Variants in ZFYVE28 observed in about 807,000 individuals in gnomAD.
The protein encoded by ZFYVE28 is lateral signaling target protein 2 homolog.
Under a neutral mutation model 82.1 loss-of-function variants are expected in ZFYVE28, and 40 were observed. The ratio of observed to expected loss-of-function variants is 0.49; its 90% CI spans 0.38 to 0.63. ZFYVE28 has a LOEUF of 0.63. Ranked by LOEUF, ZFYVE28 falls within the 30% of genes least tolerant of loss-of-function variation. The probability of loss-of-function intolerance (pLI) is 0.00; values close to 1 mark genes in which losing one functional copy is unlikely to be tolerated. For synonymous variants in ZFYVE28, 612 were observed against 546.1 expected, an observed-to-expected ratio of 1.12 and a Z score of -1.68; for missense variants, 1,321 against 1,242.1, an observed-to-expected ratio of 1.06 and a Z score of -0.96.
chr4:2,274,328 C>T, intron 8 of ZFYVE28, 112 bp from the exon 9 acceptor site: 1 of 1,342,980 alleles, frequency 7.4e-7, no homozygotes. Context: ...GCTCACCCCA[C>T]AGGCGTGTAT....
intron 7 of ZFYVE28, among the ~76,000 whole-genome samples, chr4:2,315,899 A>G (rs1235895657): frequency 6.6e-6 from 1 of 151,704 alleles, no homozygotes; most frequent in African/African-American, 2.4e-5. Context: ...CTGGGATTCC[A>G]ATTATGTTTT....
Position 2,362,957 on chromosome 4 carries a change from G to C in ZFYVE28, c.40-8884C>G, listed in dbSNP as rs953801112. On this transcript the variant is annotated intron_variant, in intron 1 of 12. Coordinates refer to ENST00000290974, the MANE Select transcript of ZFYVE28 (RefSeq NM_020972.3). This position sits in a 1 kb window ranked among gnomAD's most constrained non-coding sequence, Gnocchi z 5.1. ...GGTACTGGCCCTCCCTGTGGCCTTC[G>C]GGCCCACACGTGGCACCAAGCCCTG... is the stretch of plus-strand genomic sequence containing the variant. Among the ~76,000 whole-genome samples the C allele has an allele frequency of 1.3e-5, 2 of 151,976 alleles. No homozygotes were observed. Among genetic ancestry groups the C allele is most frequent in the African/African-American group, 2.4e-5 (1 of 41,392 alleles).
intron 1 of ZFYVE28, among the ~76,000 whole-genome samples, chr4:2,402,003 G>A (rs1322042107): frequency 6.6e-6 from 1 of 152,218 alleles, no homozygotes; most frequent in African/African-American, 2.4e-5. Flanking sequence ...CGACCCTGAG[G>A]CTTTGTCATG....
intron 8 of ZFYVE28, among the ~76,000 whole-genome samples, chr4:2,279,629 A>C (rs1577875316): frequency 6.6e-6 from 1 of 151,856 alleles, no homozygotes; most frequent in Admixed American, 6.6e-5. Context: ...AATACAAAAA[A>C]AATTAGCCAG....
chr4:2,368,219 A>AAAAAAAC (rs1727110262), intron 1 of ZFYVE28, among the ~76,000 whole-genome samples: 5 of 150,114 alleles, frequency 3.3e-5, no homozygotes, highest in Middle Eastern at 3.2e-3. Flanking sequence ...TACAAAAAAA[A>AAAAAAAC]AAAAAAAAAA....
At chr4:2,390,986 G>A (rs1480816313) in intron 1 of ZFYVE28, among the ~76,000 whole-genome samples, 1 of 152,238 alleles carries the variant, frequency 6.6e-6, no homozygotes, top group Non-Finnish European at 1.5e-5. Flanking sequence ...ACAGCTGAAA[G>A]TCATTTCATA....
intron 2 of ZFYVE28, among the ~76,000 whole-genome samples, chr4:2,343,900 C>T (rs573402648): frequency 6.6e-6 from 1 of 152,326 alleles, no homozygotes; most frequent in African/African-American, 2.4e-5. Flanking sequence ...GTGCCTAGAA[C>T]AGTGCCTCAC....
chr4:2,352,703 C>T (rs576901700), intron 2 of ZFYVE28, among the ~76,000 whole-genome samples: 59 of 152,230 alleles, frequency 3.9e-4, no homozygotes, highest in African/African-American at 1.2e-3. Flanking sequence ...CCTGTGGCAG[C>T]GGGAAGCCTG....
chr4:2,295,401 C>T (rs1250095318), intron 8 of ZFYVE28, among the ~76,000 whole-genome samples: 3 of 151,922 alleles, frequency 2.0e-5, no homozygotes, highest in African/African-American at 7.3e-5. Flanking sequence ...AAACTCCTGA[C>T]CTCAAGTGAT....
At chr4:2,338,247 G>T (rs984189832) in intron 4 of ZFYVE28, among the ~76,000 whole-genome samples, 3 of 152,246 alleles carry the variant, frequency 2.0e-5, no homozygotes, top group Non-Finnish European at 2.9e-5. Flanking sequence ...AGACGTGAAG[G>T]CTTGTCCAAC....
At position 2,339,915 on chromosome 4, in the gene ZFYVE28, G is replaced by A. The variant is rs1315786205; in HGVS notation, c.319-260C>T. On this transcript the variant is annotated intron_variant, in intron 3 of 12. Coordinates refer to ENST00000290974, the MANE Select transcript of ZFYVE28 (RefSeq NM_020972.3). This position sits in a 1 kb window ranked among gnomAD's most constrained non-coding sequence, Gnocchi z 5.0. ...GGGAGGGCAGGGCATGGCAGGGCAG[G>A]TAAGGGCAGGGGAGGGGAGGGCAGG... is the stretch of plus-strand genomic sequence containing the variant. Among the ~76,000 whole-genome samples, 2 of 141,098 alleles carry A rather than the reference G, an allele frequency of 1.4e-5. No homozygotes were observed. Among genetic ancestry groups the A allele is most frequent in the Non-Finnish European group, 1.6e-5 (1 of 63,912 alleles). The allele number at this position is 141,098 out of a possible 152,430, so 92.6% of individuals were successfully genotyped here. A position where few individuals can be genotyped will look rare whatever the true frequency, so the allele number is the denominator to read the frequency against.
At chr4:2,352,075 G>C (rs529693847) in intron 2 of ZFYVE28, among the ~76,000 whole-genome samples, 29 of 152,108 alleles carry the variant, frequency 1.9e-4, no homozygotes, top group Non-Finnish European at 3.8e-4. Flanking sequence ...CATATATGTG[G>C]GTTTTGTGTC....
At chr4:2,387,056 T>TCCGGGGCCGGGGCCGGGGCCGGGG (rs59609334) in intron 1 of ZFYVE28, among the ~76,000 whole-genome samples, 4 of 152,042 alleles carry the variant, frequency 2.6e-5, no homozygotes, top group African/African-American at 9.7e-5. Flanking sequence ...TGCAGGAGAC[T>TCCGGGGCCGGGGCCGGGGCCGGGG]CCGGGGCCGG....
intron 1 of ZFYVE28, among the ~76,000 whole-genome samples, chr4:2,359,679 C>T (rs1057401194): frequency 3.9e-5 from 6 of 152,176 alleles, no homozygotes; most frequent in Admixed American, 1.3e-4. Context: ...ACATTCCTAC[C>T]GTTCCGGCTA....
chr4:2,340,647 A>G (rs547713715), intron 3 of ZFYVE28, among the ~76,000 whole-genome samples: 1 of 152,290 alleles, frequency 6.6e-6, no homozygotes, highest in East Asian at 1.9e-4. Context: ...CCAGCCGGGC[A>G]CAGAACACGC....
chr4:2,418,411 G>C lies in ZFYVE28; in HGVS notation c.-88C>G. 1 of 1,070,530 alleles carries C rather than the reference G, an allele frequency of 9.3e-7. No individual in the cohort carries two copies. Among genetic ancestry groups the C allele is most frequent in the Non-Finnish European group, 1.1e-6 (1 of 869,644 alleles). 66.3% of individuals were successfully genotyped at this position (1,070,530 alleles called of 1,614,324 possible). ...CCGGCTGAGGCGCGGGGCGGACGCG[G>C]AGGCACGGCCGGAGCCCCCGCGCTG... On this transcript the variant is annotated 5_prime_UTR_variant, in exon 1 of 13. Coordinates refer to ENST00000290974, the MANE Select transcript of ZFYVE28 (RefSeq NM_020972.3). This position sits in a 1 kb window ranked among gnomAD's most constrained non-coding sequence, Gnocchi z 4.6.
In ZFYVE28 at chr4:2,341,353, G is replaced by A; in HGVS notation, c.318+125C>T. On this transcript the variant is annotated intron_variant, in intron 3 of 12. Transcript: ENST00000290974. This position sits in a 1 kb window ranked among gnomAD's most constrained non-coding sequence, Gnocchi z 4.5. ...CAGACCACACCACGTAACCCAGAGT[G>A]GACGGAGCTCTTGGAGGAGACACCA... The A allele has an allele frequency of 2.2e-6, 3 of 1,342,548 alleles. No homozygotes were observed. Among genetic ancestry groups the A allele is most frequent in the Non-Finnish European group, 1.0e-6 (1 of 973,290 alleles). The allele number at this position is 1,342,548 out of a possible 1,614,324, so 83.2% of individuals were successfully genotyped here.
At chr4:2,355,850 T>C (rs965288435) in intron 1 of ZFYVE28, among the ~76,000 whole-genome samples, 1 of 152,304 alleles carries the variant, frequency 6.6e-6, no homozygotes, top group East Asian at 1.9e-4. Flanking sequence ...GTTGCGGAGA[T>C]TATAGAAGTG....
chr4:2,277,991 A>G (rs1486609959), intron 8 of ZFYVE28, among the ~76,000 whole-genome samples: 1 of 152,204 alleles, frequency 6.6e-6, no homozygotes, highest in African/African-American at 2.4e-5. Flanking sequence ...ATACAGACCA[A>G]TGAGACCGAG....
Sources: gnomAD v4.1 joint callset for allele counts (sites outside exome capture counted in the v4.1 genomes callset) on GRCh38, gnomAD v4.1.1 for gene constraint, Gnocchi (gnomAD v3.1) non-coding constraint, MANE v1.5 for transcripts, NCBI Gene and HGNC (gene_info 2026-07-23, HGNC 2026-07-21) for gene names.